The following GSTA4 variants were observed in gnomAD, a reference collection of about 807,000 sequenced individuals.
The protein encoded by GSTA4 is glutathione S-transferase alpha 4.
Under a neutral mutation model 24.4 loss-of-function variants are expected in GSTA4, and 15 were observed. The observed-to-expected ratio is 0.61, with a 90% confidence interval of 0.41 to 0.95. The LOEUF (loss-of-function observed/expected upper bound fraction) is 0.95. GSTA4 is among the 40% of genes least tolerant of loss of function. The pLI, the probability that GSTA4 is intolerant of heterozygous loss-of-function variation, is 0.00. For missense variants in GSTA4, 244 were observed against 262.1 expected, an observed-to-expected ratio of 0.93 and a Z score of 0.48; for synonymous variants, 92 against 94.2, an observed-to-expected ratio of 0.98 and a Z score of 0.13.
intron 2 of GSTA4, among the ~76,000 whole-genome samples, chr6:52,989,348 C>T (rs1034504718): frequency 3.9e-5 from 6 of 152,296 alleles, no homozygotes; most frequent in African/African-American, 1.4e-4. Context: ...GCACTGCAGA[C>T]TCGCCTGAAA....
In GSTA4 at chr6:52,978,550, A is replaced by G. The variant is rs141595669; in HGVS notation, c.589T>C (p.Phe197Leu). ...TTCTTCTTGCTGCCAGGTTCAAGGA[A>G]TCTCTTAATTGTAGGGATATTACTT... ...KLSNIPTIKRFLEPGSKKKPP... is the reference protein window; with the variant it reads ...KLSNIPTIKRLLEPGSKKKPP... The change falls in exon 7 of 7, where the codon TTC becomes CTC. Residue 197 changes from phenylalanine (F) to leucine (L), a missense_variant. Transcript: ENST00000370963. 11 of 1,612,200 alleles carry G rather than the reference A, an allele frequency of 6.8e-6. No homozygotes were observed. The highest frequency in any genetic ancestry group is 3.3e-5 in the Admixed American group (2 of 59,964).
At chr6:52,991,839 C>T (rs1296821031) in intron 2 of GSTA4, among the ~76,000 whole-genome samples, 2 of 149,058 alleles carry the variant, frequency 1.3e-5, no homozygotes, top group African/African-American at 2.5e-5. Flanking sequence ...CTCACTGCAA[C>T]CCCCGCCTCC....
intron 2 of GSTA4, among the ~76,000 whole-genome samples, chr6:52,993,100 C>CA (rs141586067): frequency 0.054 from 8,118 of 150,138 alleles, 251 homozygotes; most frequent in Non-Finnish European, 0.066. Context: ...CAGCCTCCGT[C>CA]AAAAAAAAAC....
Position 52,986,830 on chromosome 6 carries a change from G to C in GSTA4, c.139+527C>G, listed in dbSNP as rs1763570828. On this transcript the variant is annotated intron_variant, in intron 3 of 6. Transcript: ENST00000370963. The stretch of plus-strand genomic sequence containing the variant: ...AGGGTTGATGGGCGCATTCTTTATG[G>C]GTCTGCTGGTGGCTCCTGCTATAAT... Among the ~76,000 whole-genome samples the C allele has an allele frequency of 2.6e-5, 4 of 152,334 alleles. No homozygotes were observed. The South Asian group carries it at 8.3e-4, about 32-fold the overall frequency.
At chr6:52,993,098 G>A (rs1308722256) in intron 2 of GSTA4, among the ~76,000 whole-genome samples, 1 of 150,884 alleles carries the variant, frequency 6.6e-6, no homozygotes, top group Non-Finnish European at 1.5e-5. Context: ...GCCAGCCTCC[G>A]TCAAAAAAAA....
At position 52,982,719 on chromosome 6, in the gene GSTA4, G is replaced by T. The variant is rs1410876237; in HGVS notation, c.415-14C>A. 1.9e-6 allele frequency: 3 copies of T among 1,602,770 alleles called. No individual in the cohort carries two copies. The highest frequency in any genetic ancestry group is 1.7e-5 in the Admixed American group (1 of 59,908). ...ACCCCTTAAAATCTGTAGGGAAATG[G>T]TGTGCATCAGTTACAATATTCCACA... is the stretch of plus-strand genomic sequence containing the variant. On this transcript the variant is annotated splice_polypyrimidine_tract_variant and intron_variant, in intron 5 of 6. Transcript: ENST00000370963.
Position 52,994,320 on chromosome 6 carries a change from C to T in GSTA4, c.-18-59G>A, listed in dbSNP as rs878903588. On this transcript the variant is annotated intron_variant, in intron 1 of 6. Coordinates refer to ENST00000370963, the MANE Select transcript of GSTA4 (RefSeq NM_001512.4). The stretch of plus-strand genomic sequence containing the variant: ...AACAGTCCCAATTTCGCGTCTTCAA[C>T]CCAGTGCTCAGGGGCGAAATGAATA... The T allele has an allele frequency of 5.2e-5, 45 of 866,922 alleles. No homozygotes were observed. The South Asian group carries it at 5.9e-4, about 11-fold the overall frequency. The allele number at this position is 866,922 out of a possible 1,614,324, so 53.7% of individuals were successfully genotyped here.
chr6:52,990,093 G>A (rs999492747), intron 2 of GSTA4, among the ~76,000 whole-genome samples: 3 of 152,128 alleles, frequency 2.0e-5, no homozygotes, highest in African/African-American at 4.8e-5. Flanking sequence ...AATCCTCCAC[G>A]TCTCAAAGGG....
chr6:52,978,379 G>T lies in GSTA4; in HGVS notation c.*91C>A, dbSNP rs1763384709. On this transcript the variant is annotated 3_prime_UTR_variant, in exon 7 of 7. Coordinates refer to ENST00000370963, the MANE Select transcript of GSTA4 (RefSeq NM_001512.4). ...TAGGACCCAACTTAATACATAGATA[G>T]CACCATGACAGAGCTGGGATCCATT... The T allele has an allele frequency of 7.8e-7, 1 of 1,288,390 alleles. No homozygotes were observed. Among genetic ancestry groups the T allele is most frequent in the Non-Finnish European group, 1.1e-6 (1 of 914,402 alleles). The allele number at this position is 1,288,390 out of a possible 1,614,324, so 79.8% of individuals were successfully genotyped here. A position where few individuals can be genotyped will look rare whatever the true frequency, so the allele number is the denominator to read the frequency against.
chr6:52,983,917 G>T (rs1391716444), intron 5 of GSTA4, among the ~76,000 whole-genome samples: 1 of 152,094 alleles, frequency 6.6e-6, no homozygotes, highest in Non-Finnish European at 1.5e-5. Flanking sequence ...TTTAGTGTTT[G>T]CATTGAAACA....
chr6:52,987,703 A>C, intron 2 of GSTA4: 1 of 262,824 alleles, frequency 3.8e-6, no homozygotes, highest in Non-Finnish European at 7.2e-6. Context: ...AGCTAGACAG[A>C]AGAAATAAAA....
intron 2 of GSTA4, among the ~76,000 whole-genome samples, chr6:52,991,946 G>A (rs1008780682): frequency 1.3e-5 from 2 of 151,812 alleles, no homozygotes; most frequent in Non-Finnish European, 2.9e-5. Flanking sequence ...TGGGAGAGAC[G>A]GGGTTTCACC....
chr6:52,978,952 A>G (rs1013461445), intron 6 of GSTA4, among the ~76,000 whole-genome samples: 1 of 152,204 alleles, frequency 6.6e-6, no homozygotes, highest in Non-Finnish European at 1.5e-5. Context: ...TCTGATCTCT[A>G]TGATTATTTA....
intron 3 of GSTA4, among the ~76,000 whole-genome samples, chr6:52,986,882 A>C (rs1763571475): frequency 1.3e-5 from 2 of 152,138 alleles, no homozygotes; most frequent in Non-Finnish European, 2.9e-5. Flanking sequence ...AGCAGGGCTG[A>C]CCAGGAATTA....
At chr6:52,991,358 A>G (rs796244535) in intron 2 of GSTA4, among the ~76,000 whole-genome samples, 2 of 152,216 alleles carry the variant, frequency 1.3e-5, no homozygotes, top group Non-Finnish European at 2.9e-5. Flanking sequence ...GGGAGAAACT[A>G]TAATGTGTGG....
chr6:52,991,357 T>G (rs1226776813), intron 2 of GSTA4, among the ~76,000 whole-genome samples: 2 of 152,156 alleles, frequency 1.3e-5, no homozygotes, highest in Non-Finnish European at 2.9e-5. Context: ...TGGGAGAAAC[T>G]ATAATGTGTG....
At chr6:52,991,568 T>C (rs891721758) in intron 2 of GSTA4, among the ~76,000 whole-genome samples, 1 of 152,036 alleles carries the variant, frequency 6.6e-6, no homozygotes, top group African/African-American at 2.4e-5. Flanking sequence ...TTATGGGAAG[T>C]ACAGAGAATA....
At chr6:52,990,621 A>C (rs1458470815) in intron 2 of GSTA4, among the ~76,000 whole-genome samples, 2 of 152,190 alleles carry the variant, frequency 1.3e-5, no homozygotes, top group African/African-American at 4.8e-5. Context: ...TGTAACTAAA[A>C]ATGTTGACTC....
intron 6 of GSTA4, among the ~76,000 whole-genome samples, chr6:52,979,459 A>G (rs673197): frequency 0.56 from 85,749 of 152,062 alleles, 24,524 homozygotes; most frequent in East Asian, 0.74. Context: ...CTCAGATACC[A>G]GATATTTATA....
Sources: gnomAD v4.1 joint callset for allele counts (sites outside exome capture counted in the v4.1 genomes callset) on GRCh38, gnomAD v4.1.1 for gene constraint, MANE v1.5 for transcripts, NCBI Gene and HGNC (gene_info 2026-07-23, HGNC 2026-07-21) for gene names.